Variants in DDX6 observed in about 807,000 individuals in gnomAD.
DDX6 encodes the protein probable ATP-dependent RNA helicase DDX6.
Under a neutral mutation model 60.6 loss-of-function variants are expected in DDX6, and 7 were observed. The observed-to-expected ratio is 0.12, with a 90% confidence interval of 0.07 to 0.22. DDX6 has a LOEUF of 0.22. Ranked by LOEUF, DDX6 falls within the 10% of genes least tolerant of loss-of-function variation. The pLI, the probability that DDX6 is intolerant of heterozygous loss-of-function variation, is 1.00. For synonymous variants in DDX6, 207 were observed against 201.0 expected (o/e 1.03, Z -0.25); for missense variants, 270 against 589.9 (o/e 0.46, Z 5.62).
chr11:118,779,841 C>A, intron 3 of DDX6, 105 bp from the exon 4 acceptor site: 2 of 776,356 alleles, frequency 2.6e-6, no homozygotes, highest in South Asian at 1.8e-5. Flanking sequence ...CTGGGCCAGG[C>A]ATGGTGGCTC....
Position 118,786,105 on chromosome 11 carries a change from G to C in DDX6, c.147C>G (p.Asn49Lys), listed in dbSNP as rs769816474. ...QQQMNQLKNT[N>K]TINNGTQQQA... ...GCTGCTGAGTGCCATTATTGATTGT[G>C]TTGGTGTTTTTCAGCTGGTTCATCT... is the stretch of plus-strand genomic sequence containing the variant. The change falls in exon 2 of 14, where the codon AAC (asparagine) becomes AAG (lysine). Residue 49 changes from asparagine (N) to lysine (K), a missense_variant. Asn to Lys is a moderately conservative substitution (Grantham distance 94, BLOSUM62 0). Around this residue, in one of 8 missense-constraint regions of DDX6, gnomAD observed 102 missense variants for 110.5 expected, o/e 0.92. Coordinates refer to ENST00000534980, the MANE Select transcript of DDX6 (RefSeq NM_004397.6). 1 of 1,613,998 alleles carries C rather than the reference G, an allele frequency of 6.2e-7. No individual in the cohort carries two copies.
intron 1 of DDX6, 183 bp from the exon 2 acceptor site, chr11:118,786,701 AT>A: frequency 6.1e-6 from 1 of 165,054 alleles, no homozygotes; most frequent in East Asian, 1.3e-4. Flanking sequence ...CAAAAACACA[AT>A]GAGGCCAATA....
At chr11:118,773,445 G>A (rs921510667) in intron 4 of DDX6, among the ~76,000 whole-genome samples, 1 of 152,106 alleles carries the variant, frequency 6.6e-6, no homozygotes, top group East Asian at 1.9e-4. Context: ...GGTGGCAGGC[G>A]CCTGCAGTCC....
In DDX6 at chr11:118,755,472, A is replaced by G; in HGVS notation, c.1206T>C (p.Ala402=). Residue 402 remains alanine (A), a synonymous_variant, in exon 12 of 14, where the codon GCT becomes GCC. Coordinates refer to ENST00000534980, the MANE Select transcript of DDX6 (RefSeq NM_004397.6). ...AATCAAAGTTTATTACCACATTCAC[A>G]GCTTGTATATCAATACCTCGGGTAA... ...DLFTRGIDIQ[A]VNVVINFDFP... 6.2e-7 allele frequency: 1 copy of G among 1,607,010 alleles called. No homozygotes were observed. Among genetic ancestry groups the G allele is most frequent in the Non-Finnish European group, 8.5e-7 (1 of 1,174,160 alleles).
At chr11:118,780,424 TCTC>T (rs1861856628) in intron 3 of DDX6, among the ~76,000 whole-genome samples, 1 of 151,988 alleles carries the variant, frequency 6.6e-6, no homozygotes, top group Non-Finnish European at 1.5e-5. Flanking sequence ...TTCAAGTAAT[TCTC>T]CTGTCTCAGC....
At chr11:118,762,907 T>C (rs1861223223) in intron 7 of DDX6, among the ~76,000 whole-genome samples, 1 of 152,036 alleles carries the variant, frequency 6.6e-6, no homozygotes, top group African/African-American at 2.4e-5. Flanking sequence ...CTTTTAAAAA[T>C]TAATCACAGA....
At chr11:118,753,770 T>A (rs994535866) in intron 13 of DDX6, among the ~76,000 whole-genome samples, 1 of 152,210 alleles carries the variant, frequency 6.6e-6, no homozygotes, top group Non-Finnish European at 1.5e-5. Context: ...AAAAACATTT[T>A]ACATTTTCAG....
At chr11:118,769,149 AC>A (rs1209227271) in intron 4 of DDX6, among the ~76,000 whole-genome samples, 2 of 152,086 alleles carry the variant, frequency 1.3e-5, no homozygotes, top group Admixed American at 6.6e-5. Flanking sequence ...AAAGGAAAAA[AC>A]AAAAACAATT....
intron 6 of DDX6, among the ~76,000 whole-genome samples, chr11:118,764,821 TACAC>T (rs59605753): frequency 4.3e-5 from 6 of 139,034 alleles, no homozygotes; most frequent in South Asian, 2.2e-4. Flanking sequence ...AAAAAAAATA[TACAC>T]ACACACACAC....
At chr11:118,763,838 TAAAA>T (rs58341763) in intron 6 of DDX6, among the ~76,000 whole-genome samples, 1 of 134,370 alleles carries the variant, frequency 7.4e-6, no homozygotes, top group Admixed American at 7.6e-5. Context: ...TGTCTCAAAT[TAAAA>T]AAAAAAAAAA....
At chr11:118,755,722 A>G (rs1283014383) in intron 11 of DDX6, among the ~76,000 whole-genome samples, 17 of 152,172 alleles carry the variant, frequency 1.1e-4, no homozygotes, top group African/African-American at 3.6e-4. Flanking sequence ...GTTTTAAAAA[A>G]TGTGTCTAAA....
intron 11 of DDX6, among the ~76,000 whole-genome samples, chr11:118,755,932 C>CACTTGA (rs1435069515): frequency 6.6e-6 from 1 of 151,086 alleles, no homozygotes; most frequent in Non-Finnish European, 1.5e-5. Flanking sequence ...GCAGGAGAAT[C>CACTTGA]ACTTGAACCC....
At chr11:118,767,698 T>C (rs1861403916) in intron 5 of DDX6, 1 of 123,424 alleles carries the variant, frequency 8.1e-6, no homozygotes, top group Non-Finnish European at 1.6e-5. Flanking sequence ...AGTGGCACAA[T>C]CTTGGCTCAC....
intron 13 of DDX6, among the ~76,000 whole-genome samples, chr11:118,752,564 G>A (rs1180106694): frequency 6.6e-6 from 1 of 152,072 alleles, no homozygotes; most frequent in Non-Finnish European, 1.5e-5. Context: ...CCTGAGGTCA[G>A]GAGTTTGAGA....
At position 118,786,063 on chromosome 11, in the gene DDX6, G is replaced by A. The variant is rs1437652263; in HGVS notation, c.189C>T (p.Thr63=). 1.2e-6 allele frequency: 2 copies of A among 1,613,354 alleles called. No individual in the cohort carries two copies. Among genetic ancestry groups the A allele is most frequent in the South Asian group, 1.1e-5 (1 of 90,992 alleles). ...ACTCTAACACTTACTTAATAGTGGT[G>A]GTCATACTCTGTGCTTGCTGCTGAG... ...NGTQQQAQSM[T]TTIKPGDDWK... The change falls in exon 2 of 14, where the codon ACC becomes ACT. Residue 63 remains threonine (T), a synonymous_variant. Transcript: ENST00000534980.
intron 12 of DDX6, 37 bp downstream of exon 12, chr11:118,755,365 G>A (rs1860930436): frequency 1.5e-6 from 2 of 1,342,094 alleles, no homozygotes; most frequent in Non-Finnish European, 2.1e-6. Flanking sequence ...CCTCAAAAAA[G>A]AACTTCTACC....
At chr11:118,775,393 A>T (rs1045805182) in intron 4 of DDX6, among the ~76,000 whole-genome samples, 5 of 152,102 alleles carry the variant, frequency 3.3e-5, no homozygotes, top group South Asian at 2.1e-4. Context: ...AATTTAAAAA[A>T]TTTTTTTACT....
At chr11:118,789,072 CTTTTTTTTTTTTT>C (rs142382451) in intron 1 of DDX6, 1 of 91,150 alleles carries the variant, frequency 1.1e-5, no homozygotes, top group Non-Finnish European at 2.2e-5. Context: ...CCCCGTTACA[CTTTTTTTTTTTTT>C]TTTTTTTTGA....
intron 7 of DDX6, among the ~76,000 whole-genome samples, chr11:118,762,284 A>T (rs188268235): frequency 0.034 from 5,032 of 149,462 alleles, 246 homozygotes; most frequent in African/African-American, 0.1. Context: ...AAAAAAAAAA[A>T]AATAATAATA....
Sources: allele counts gnomAD v4.1 joint callset (sites outside exome capture counted in the v4.1 genomes callset), GRCh38; gene constraint gnomAD v4.1.1; regional missense constraint gnomAD v4.1.1; transcripts MANE v1.5; gene names NCBI Gene and HGNC (gene_info 2026-07-23, HGNC 2026-07-21).